The following PRKAR2B variants were observed in gnomAD, a reference collection of about 807,000 sequenced individuals.
PRKAR2B encodes cAMP-dependent protein kinase type II-beta regulatory subunit.
PRKAR2B carries 14 observed loss-of-function variants against 49.9 expected under a neutral mutation model. The ratio of observed to expected loss-of-function variants is 0.28; its 90% CI spans 0.19 to 0.44. The LOEUF (loss-of-function observed/expected upper bound fraction) is 0.44, where lower values mean the gene tolerates loss of function less well. Ranked by LOEUF, PRKAR2B falls within the 20% of genes least tolerant of loss-of-function variation. PRKAR2B has a pLI of 1.00. For synonymous variants in PRKAR2B, 196 were observed against 197.7 expected, an observed-to-expected ratio of 0.99 and a Z score of 0.07; for missense variants, 393 against 537.9, an observed-to-expected ratio of 0.73 and a Z score of 2.67.
chr7:107,081,281 A>G (rs1794509633), intron 2 of PRKAR2B, among the ~76,000 whole-genome samples: 1 of 152,226 alleles, frequency 6.6e-6, no homozygotes, highest in South Asian at 2.1e-4. Context: ...ATGAAAACAG[A>G]AAAGCAACCT....
At chr7:107,074,174 G>C (rs1158989256) in intron 2 of PRKAR2B, among the ~76,000 whole-genome samples, 2 of 152,070 alleles carry the variant, frequency 1.3e-5, no homozygotes, top group African/African-American at 4.8e-5. Context: ...GGAGTGCAGT[G>C]GCACGATCTT....
At chr7:107,093,109 A>G (rs1277107844) in intron 2 of PRKAR2B, among the ~76,000 whole-genome samples, 1 of 152,068 alleles carries the variant, frequency 6.6e-6, no homozygotes, top group African/African-American at 2.4e-5. Flanking sequence ...ACATTTGTTT[A>G]TTCATTCATC....
At chr7:107,149,268 A>C (rs1795943015) in intron 6 of PRKAR2B, among the ~76,000 whole-genome samples, 1 of 152,320 alleles carries the variant, frequency 6.6e-6, no homozygotes, top group Non-Finnish European at 1.5e-5. Flanking sequence ...TAGGAGTAAA[A>C]CAAGTCCAAA....
chr7:107,106,662 A>G (rs1024049273), intron 2 of PRKAR2B, among the ~76,000 whole-genome samples: 2 of 152,100 alleles, frequency 1.3e-5, no homozygotes, highest in African/African-American at 4.8e-5. Flanking sequence ...TCCTGGTGGC[A>G]CTGGTTGGAT....
At chr7:107,118,029 G>T (rs994134887) in intron 2 of PRKAR2B, among the ~76,000 whole-genome samples, 4 of 152,190 alleles carry the variant, frequency 2.6e-5, no homozygotes, top group Non-Finnish European at 5.9e-5. Context: ...AAAGGATGAA[G>T]TATATAGTTT....
chr7:107,159,211 CTT>C (rs1180943621), intron 10 of PRKAR2B, among the ~76,000 whole-genome samples: 1 of 152,182 alleles, frequency 6.6e-6, no homozygotes, highest in Non-Finnish European at 1.5e-5. Context: ...CTCCCACCAA[CTT>C]AGCATTGCTC....
At chr7:107,062,241 T>A (rs1356158377) in intron 1 of PRKAR2B, among the ~76,000 whole-genome samples, 1 of 152,214 alleles carries the variant, frequency 6.6e-6, no homozygotes, top group East Asian at 1.9e-4. Flanking sequence ...CAACCAAAGT[T>A]ATTGTAAACA....
intron 2 of PRKAR2B, among the ~76,000 whole-genome samples, chr7:107,116,101 CA>C (rs960515926): frequency 2.0e-5 from 3 of 152,178 alleles, no homozygotes; most frequent in Non-Finnish European, 4.4e-5. Flanking sequence ...ATGCAGTATG[CA>C]ATTTCTTTAT....
At chr7:107,155,064 T>C (rs958603610) in intron 8 of PRKAR2B, among the ~76,000 whole-genome samples, 7 of 151,896 alleles carry the variant, frequency 4.6e-5, no homozygotes, top group Middle Eastern at 3.4e-3. Flanking sequence ...GCAGGGTGCA[T>C]GTCTCGGCAC....
At position 107,121,866 on chromosome 7, in the gene PRKAR2B, T is replaced by C. The variant is rs140519184; in HGVS notation, c.344-86T>C. 344 of 718,620 alleles carry C rather than the reference T, an allele frequency of 4.8e-4. 2 individuals are homozygous for C. The African/African-American group carries it at 5.8e-3, about 12-fold the overall frequency. 44.5% of individuals were successfully genotyped at this position (718,620 alleles called of 1,614,324 possible). ...TGGTTTTTTATACCGTGGTACTCTT[T>C]TTGTTCATTAAGTGTTAACGATGTA... On this transcript the variant is annotated intron_variant, in intron 2 of 10. Transcript: ENST00000265717.
intron 2 of PRKAR2B, among the ~76,000 whole-genome samples, chr7:107,097,363 A>G (rs1352032634): frequency 6.6e-6 from 1 of 151,864 alleles, no homozygotes; most frequent in East Asian, 1.9e-4. Context: ...TTTGCTTGGT[A>G]GATCTTCCTC....
chr7:107,102,212 G>GA (rs760927626), intron 2 of PRKAR2B, among the ~76,000 whole-genome samples: 1 of 151,880 alleles, frequency 6.6e-6, no homozygotes, highest in African/African-American at 2.4e-5. Flanking sequence ...GTCTCAAAAA[G>GA]AAAAAAATAA....
intron 2 of PRKAR2B, among the ~76,000 whole-genome samples, chr7:107,097,750 A>C (rs1794872542): frequency 6.6e-6 from 1 of 152,100 alleles, no homozygotes; most frequent in African/African-American, 2.4e-5. Flanking sequence ...AAAGGATTTT[A>C]TTTCTCCTCC....
At chr7:107,103,029 C>T (rs1795005917) in intron 2 of PRKAR2B, among the ~76,000 whole-genome samples, 1 of 151,834 alleles carries the variant, frequency 6.6e-6, no homozygotes, top group African/African-American at 2.4e-5. Flanking sequence ...TTCATATCTC[C>T]AAAAAAGAGA....
chr7:107,087,617 T>G (rs1426400178), intron 2 of PRKAR2B, among the ~76,000 whole-genome samples: 2 of 152,178 alleles, frequency 1.3e-5, no homozygotes, highest in Admixed American at 1.3e-4. Flanking sequence ...ACACAGTGAC[T>G]GATGGGCAGA....
intron 1 of PRKAR2B, among the ~76,000 whole-genome samples, chr7:107,069,325 C>A (rs916366449): frequency 5.9e-5 from 9 of 152,152 alleles, no homozygotes; most frequent in African/African-American, 2.2e-4. Flanking sequence ...CCTGTGCATA[C>A]ATATTTTTCA....
At chr7:107,086,041 A>G (rs1419373387) in intron 2 of PRKAR2B, among the ~76,000 whole-genome samples, 1 of 152,214 alleles carries the variant, frequency 6.6e-6, no homozygotes, top group African/African-American at 2.4e-5. Flanking sequence ...AAAACACTTG[A>G]TATTACAAAA....
chr7:107,142,324 C>T (rs1293118644), intron 5 of PRKAR2B, among the ~76,000 whole-genome samples: 1 of 152,196 alleles, frequency 6.6e-6, no homozygotes, highest in East Asian at 1.9e-4. Flanking sequence ...GTGGCTGAAG[C>T]ACTAGCCAGG....
intron 2 of PRKAR2B, among the ~76,000 whole-genome samples, chr7:107,089,561 T>C (rs1036613141): frequency 1.3e-5 from 2 of 152,224 alleles, no homozygotes; most frequent in African/African-American, 4.8e-5. Flanking sequence ...CCATTTTTCC[T>C]ATGGTAAAAT....
Sources: gnomAD v4.1 joint callset for allele counts (sites outside exome capture counted in the v4.1 genomes callset) on GRCh38, gnomAD v4.1.1 for gene constraint, MANE v1.5 for transcripts, NCBI Gene and HGNC (gene_info 2026-07-23, HGNC 2026-07-21) for gene names.